The following STRADA variants were observed in gnomAD, a reference collection of about 807,000 sequenced individuals.
STRADA encodes the protein STE20 related adaptor alpha, also known as STE20-related kinase adapter protein alpha.
A neutral mutation model predicts 55.0 loss-of-function variants in STRADA; 26 were observed. The ratio of observed to expected loss-of-function variants is 0.47; its 90% CI spans 0.35 to 0.66. STRADA has a LOEUF of 0.66. Ranked by LOEUF, STRADA falls within the 30% of genes least tolerant of loss-of-function variation. STRADA has a pLI of 0.01. For synonymous variants in STRADA, 197 were observed against 210.9 expected (o/e 0.93, Z 0.57); for missense variants, 443 against 549.7 (o/e 0.81, Z 1.94).
At chr17:63,726,725 T>G (rs754747312) in intron 2 of STRADA, 30 bp from the exon 3 acceptor site, 1 of 1,611,810 alleles carries the variant, frequency 6.2e-7, no homozygotes, top group Non-Finnish European at 8.5e-7. Flanking sequence ...AGAGAATTAG[T>G]ATTTCTTCCA....
intron 1 of STRADA, among the ~76,000 whole-genome samples, chr17:63,736,802 G>A (rs1013407361): frequency 2.7e-5 from 4 of 150,052 alleles, no homozygotes; most frequent in Admixed American, 1.3e-4. Context: ...AAAATATCAC[G>A]GACAGGGTGG....
intron 8 of STRADA, among the ~76,000 whole-genome samples, chr17:63,709,463 G>T (rs2036342360): frequency 6.6e-6 from 1 of 152,146 alleles, no homozygotes; most frequent in South Asian, 2.1e-4. Context: ...TGATTTGCAA[G>T]ATTTCCCTGT....
intron 1 of STRADA, among the ~76,000 whole-genome samples, chr17:63,733,140 T>A (rs552298337): frequency 6.6e-6 from 1 of 152,190 alleles, no homozygotes; most frequent in South Asian, 2.1e-4. Flanking sequence ...TCCGCCCACC[T>A]CGGCCTTCCA....
At chr17:63,720,714 G>T (rs1383619349) in intron 4 of STRADA, among the ~76,000 whole-genome samples, 3 of 150,900 alleles carry the variant, frequency 2.0e-5, no homozygotes, top group Non-Finnish European at 4.4e-5. Flanking sequence ...GGCAGAGCTT[G>T]CAGTGAGCTG....
chr17:63,712,202 G>C (rs1399690666), intron 6 of STRADA, among the ~76,000 whole-genome samples: 1 of 152,134 alleles, frequency 6.6e-6, no homozygotes, highest in Non-Finnish European at 1.5e-5. Context: ...GCACTTACTA[G>C]ACTCACAGTC....
chr17:63,707,219 G>T, intron 9 of STRADA, 28 bp downstream of exon 9: 1 of 1,611,564 alleles, frequency 6.2e-7, no homozygotes, highest in South Asian at 1.1e-5. Flanking sequence ...AGTTGGGTAG[G>T]GGAGCTCCTC....
At chr17:63,738,926 C>A (rs912011476) in intron 1 of STRADA, among the ~76,000 whole-genome samples, 2 of 151,634 alleles carry the variant, frequency 1.3e-5, no homozygotes, top group Admixed American at 6.6e-5. Flanking sequence ...CAGAGGCGGG[C>A]AGATCACGAG....
chr17:63,735,876 G>A (rs528718463), intron 1 of STRADA, among the ~76,000 whole-genome samples: 138 of 152,256 alleles, frequency 9.1e-4, no homozygotes, highest in Middle Eastern at 6.8e-3. Context: ...AGCCCCTGGC[G>A]TAACTGCCCA....
At chr17:63,707,138 C>G in intron 9 of STRADA, 109 bp downstream of exon 9, 1 of 1,410,444 alleles carries the variant, frequency 7.1e-7, no homozygotes, top group Non-Finnish European at 9.7e-7. Flanking sequence ...CTCCAGGAAC[C>G]CCTTTACCCC....
intron 1 of STRADA, among the ~76,000 whole-genome samples, chr17:63,728,854 T>C (rs1214191983): frequency 1.3e-5 from 2 of 149,556 alleles, no homozygotes; most frequent in African/African-American, 2.5e-5. Flanking sequence ...ATCACGCCAT[T>C]GCATTCCAGC....
At chr17:63,710,889 G>A (rs760597329) in intron 6 of STRADA, 53 bp from the exon 7 acceptor site, 8 of 1,490,848 alleles carry the variant, frequency 5.4e-6, no homozygotes, top group South Asian at 4.6e-5. Context: ...GAAGGATGCC[G>A]CTCAACACAA....
intron 8 of STRADA, 156 bp from the exon 9 acceptor site, chr17:63,707,574 CATTGAGA>C: frequency 2.8e-6 from 2 of 707,652 alleles, no homozygotes; most frequent in South Asian, 3.8e-5. Context: ...TTTTTGTTTT[CATTGAGA>C]TAAGAGTCTC....
At chr17:63,704,925 GT>G (rs1259916221) in intron 10 of STRADA, 2 of 1,534,542 alleles carry the variant, frequency 1.3e-6, no homozygotes, top group African/African-American at 2.7e-5. Flanking sequence ...GGAAGGAGCA[GT>G]CAGATGAACC....
rs149172145 is a variant in STRADA at position 63,714,037 on chromosome 17, C to T, written c.195G>A (p.Glu65=). 38 of 1,614,012 alleles carry T rather than the reference C, an allele frequency of 2.4e-5. No homozygotes were observed. In the East Asian group the frequency reaches 7.8e-4, roughly 33 times the overall value. Residue 65 remains glutamate, a synonymous_variant, in exon 5 of 13, where the codon GAG becomes GAA. Coordinates refer to ENST00000336174, the MANE Select transcript of STRADA (RefSeq NM_001003787.4). ...CAGTGAGCAGCTCGTAACACCCTCCCTCTGGCAGAAAGCTACTCATGACCT... is the reference window on the plus strand; with the variant it reads ...CAGTGAGCAGCTCGTAACACCCTCCTTCTGGCAGAAAGCTACTCATGACCT... The part of the protein sequence containing the change: ...KQEVMSSFLP[E]GGCYELLTVI...
At chr17:63,711,603 G>C (rs2036502508) in intron 6 of STRADA, among the ~76,000 whole-genome samples, 1 of 152,004 alleles carries the variant, frequency 6.6e-6, no homozygotes, top group Non-Finnish European at 1.5e-5. Context: ...TTGCAGGCGT[G>C]AGCCACTGTG....
At chr17:63,710,335 CCT>C in intron 8 of STRADA, 154 bp downstream of exon 8, 3 of 1,305,032 alleles carry the variant, frequency 2.3e-6, no homozygotes, top group South Asian at 1.4e-5. Flanking sequence ...CGCGCTGGGC[CCT>C]GTTTCTTTTC....
rs549941125 is a variant in STRADA at position 63,739,058 on chromosome 17, C to G, written c.-45+2683G>C. Among the ~76,000 whole-genome samples the G allele has an allele frequency of 2.1e-5, 3 of 141,358 alleles. No individual in the cohort carries two copies. In the East Asian group the frequency reaches 6.3e-4, roughly 29 times the overall value. 92.7% of individuals were successfully genotyped at this position (141,358 alleles called of 152,430 possible). ...GTCCCAGCTACTTGGGAGGCTGAGG[C>G]AGGAGAATGGCGTGAACCTGGGAGG... On this transcript the variant is annotated intron_variant, in intron 1 of 12. Transcript: ENST00000336174.
At chr17:63,738,645 C>A (rs2038630598) in intron 1 of STRADA, among the ~76,000 whole-genome samples, 1 of 152,064 alleles carries the variant, frequency 6.6e-6, no homozygotes, top group Non-Finnish European at 1.5e-5. Context: ...ATCTCCTGAG[C>A]TCCGCAGTTC....
chr17:63,728,399 T>G lies in STRADA; in HGVS notation c.-30A>C. 6.3e-7 allele frequency: 1 copy of G among 1,584,696 alleles called. No individual in the cohort carries two copies. Among genetic ancestry groups the G allele is most frequent in the Admixed American group, 1.8e-5 (1 of 55,172 alleles). ...TCCTACTGTGTAGGCCTACTTCAGT[T>G]TCAAAAACTTAAACCTAAAAGGAAA... On this transcript the variant is annotated 5_prime_UTR_variant, in exon 2 of 13. Transcript: ENST00000336174.
Sources: allele counts gnomAD v4.1 joint callset (sites outside exome capture counted in the v4.1 genomes callset), GRCh38; gene constraint gnomAD v4.1.1; transcripts MANE v1.5; gene names NCBI Gene and HGNC (gene_info 2026-07-23, HGNC 2026-07-21).